Variants in OTOGL observed in about 807,000 individuals in gnomAD.
The protein encoded by OTOGL is otogelin-like protein.
Under a neutral mutation model 318.5 loss-of-function variants are expected in OTOGL, and 285 were observed. The observed-to-expected ratio is 0.89, with a 90% confidence interval of 0.81 to 0.99. The LOEUF (loss-of-function observed/expected upper bound fraction) is 0.99. OTOGL is among the 50% of genes least tolerant of loss of function. The pLI is 0.00. For missense variants in OTOGL, 2,899 were observed against 2,845.6 expected, an observed-to-expected ratio of 1.02 and a Z score of -0.43; for synonymous variants, 987 against 936.5, an observed-to-expected ratio of 1.05 and a Z score of -0.99.
Position 80,204,350 on chromosome 12 carries a change from A to G in OTOGL, c.-19-5063A>G, listed in dbSNP as rs74108561. Among the ~76,000 whole-genome samples, 1,438 of 152,286 alleles carry G rather than the reference A, an allele frequency of 9.4e-3. 17 individuals are homozygous for G. Among genetic ancestry groups the G allele is most frequent in the African/African-American group, 0.033 (1,374 of 41,562 alleles). On this transcript the variant is annotated intron_variant, in intron 1 of 58. Coordinates refer to ENST00000547103, the MANE Select transcript of OTOGL (RefSeq NM_001378609.3). Reference sequence around the variant, plus strand: ...ACTCCAGTGGCTCTTGTCATAAATCAGATTGCCAGGTGTCTGATTTGGAAC... The same window carrying G: ...ACTCCAGTGGCTCTTGTCATAAATCGGATTGCCAGGTGTCTGATTTGGAAC...
chr12:80,143,327 T>G, intron 1 of OTOGL, among the ~76,000 whole-genome samples: 1 of 152,162 alleles, frequency 6.6e-6, no homozygotes. Context: ...AATAAGGGAC[T>G]ATGGATCTGA....
rs534368779 is a variant in OTOGL, at chr12:80,318,491, T to C, written c.3635-55T>C. Reference sequence around the variant, plus strand: ...TAAAACATTTCTTTGAAATGACAGATTGAAATTTTAAAAATCTATGCCAAT... The same window carrying C: ...TAAAACATTTCTTTGAAATGACAGACTGAAATTTTAAAAATCTATGCCAAT... On this transcript the variant is annotated intron_variant, in intron 32 of 58. Coordinates refer to ENST00000547103, the MANE Select transcript of OTOGL (RefSeq NM_001378609.3). The C allele has an allele frequency of 2.6e-6, 3 of 1,146,736 alleles. No homozygotes were observed. The African/African-American group carries it at 4.8e-5, about 18-fold the overall frequency. The allele number at this position is 1,146,736 out of a possible 1,614,324, so 71.0% of individuals were successfully genotyped here.
Position 80,302,685 on chromosome 12 carries a change from G to T in OTOGL, c.3115G>T (p.Ala1039Ser). 7.0e-7 allele frequency: 1 copy of T among 1,436,026 alleles called. No individual in the cohort carries two copies. The highest frequency in any genetic ancestry group is 1.6e-5 in the South Asian group (1 of 62,774). 89.0% of individuals were successfully genotyped at this position (1,436,026 alleles called of 1,614,324 possible). A position where few individuals can be genotyped will look rare whatever the true frequency, so the allele number is the denominator to read the frequency against. Residue 1039 changes from alanine (A) to serine (S), a missense_variant, in exon 28 of 59, where the codon GCT becomes TCT. Transcript: ENST00000547103. ...ENKSTYQLWK[A>S]GYYIVVYFPE... ...CAAATCTACCTACCAGCTTTGGAAG[G>T]CTGGTTACTATATAGTAGTATACTT...
intron 30 of OTOGL, among the ~76,000 whole-genome samples, chr12:80,311,759 A>G (rs951707109): frequency 7.9e-5 from 12 of 152,328 alleles, no homozygotes; most frequent in Admixed American, 7.2e-4. Context: ...GAAACACCTG[A>G]TGGTGTCTGT....
In OTOGL at chr12:80,379,586, T is replaced by TAC. The variant is rs1891356485; in HGVS notation, c.*1539_*1540insCA. 1 of 151,190 alleles carries TAC rather than the reference T, an allele frequency of 6.6e-6. No homozygotes were observed. The highest frequency in any genetic ancestry group is 2.4e-5 in the African/African-American group (1 of 41,274). The allele number at this position is 151,190 out of a possible 1,614,324, so 9.4% of individuals were successfully genotyped here. The stretch of plus-strand genomic sequence containing the variant: ...TCTGATTCCTATTAACATATAGATA[T>TAC]ATAAAATTAAATGTTTTTGGTTAAA... On this transcript the variant is annotated 3_prime_UTR_variant, in exon 59 of 59. Transcript: ENST00000547103.
intron 1 of OTOGL, among the ~76,000 whole-genome samples, chr12:80,165,602 T>C (rs961127586): frequency 6.6e-6 from 1 of 152,210 alleles, no homozygotes; most frequent in East Asian, 1.9e-4. Context: ...TCCATTTGAG[T>C]TTAGTTGATT....
chr12:80,313,897 G>C (rs1443623911), intron 31 of OTOGL, among the ~76,000 whole-genome samples: 1 of 151,944 alleles, frequency 6.6e-6, no homozygotes, highest in Non-Finnish European at 1.5e-5. Context: ...ACCATCCTTA[G>C]AGAAATTGTT....
chr12:80,343,502 TATTCTTG>T (rs1468777112), intron 44 of OTOGL: 147 of 126,716 alleles, frequency 1.2e-3, no homozygotes, highest in East Asian at 8.5e-3. Context: ...TATTATTTTT[TATTCTTG>T]TTTTTTTTTT....
intron 24 of OTOGL, among the ~76,000 whole-genome samples, chr12:80,275,523 A>AT (rs1417605061): frequency 4.6e-5 from 7 of 151,818 alleles, no homozygotes; most frequent in African/African-American, 1.7e-4. Flanking sequence ...TGTCAGAATG[A>AT]TAATAAAAGA....
In OTOGL at chr12:80,271,775, C is replaced by T. The variant is rs778419303; in HGVS notation, c.2646C>T (p.Ser882=). 2.5e-6 allele frequency: 4 copies of T among 1,613,052 alleles called. No individual in the cohort carries two copies. Among genetic ancestry groups the T allele is most frequent in the Non-Finnish European group, 3.4e-6 (4 of 1,179,378 alleles). Residue 882 remains serine, a synonymous_variant, in exon 24 of 59, where the codon TCC becomes TCT. Coordinates refer to ENST00000547103, the MANE Select transcript of OTOGL (RefSeq NM_001378609.3). The part of the protein sequence containing the change: ...NLAMNFTCTP[S]SPCISGCVCA... ...CCATGAACTTCACCTGCACCCCATC[C>T]TCACCCTGTATAAGTGGCTGTGTTT...
intron 1 of OTOGL, among the ~76,000 whole-genome samples, chr12:80,146,305 A>G (rs1398623865): frequency 1.4e-5 from 2 of 146,974 alleles, no homozygotes; most frequent in Non-Finnish European, 2.9e-5. Flanking sequence ...TTCTGCATCT[A>G]TTGAGATAAT....
chr12:80,253,972 C>T (rs150986462), intron 14 of OTOGL, among the ~76,000 whole-genome samples: 91 of 152,202 alleles, frequency 6.0e-4, no homozygotes, highest in African/African-American at 2.0e-3. Context: ...AATTTGCTAA[C>T]TAACACTGTT....
In OTOGL at chr12:80,310,690, T is replaced by G. The variant is rs749470332; in HGVS notation, c.3413T>G (p.Ile1138Ser). The G allele has an allele frequency of 4.4e-6, 7 of 1,591,678 alleles. No homozygotes were observed. The highest frequency in any genetic ancestry group is 6.0e-6 in the Non-Finnish European group (7 of 1,172,674). Residue 1138 changes from isoleucine (I) to serine (S), a missense_variant, in exon 30 of 59, where the codon ATT (isoleucine) becomes AGT (serine). This residue lies in a region of OTOGL where 2,607 missense variants were observed against 2,524.9 expected (regional missense o/e 1.03). Coordinates refer to ENST00000547103, the MANE Select transcript of OTOGL (RefSeq NM_001378609.3). ...KFPYAKKECSILYSDIFASCR... is the reference protein window; with the variant it reads ...KFPYAKKECSSLYSDIFASCR... ...CCTTATGCCAAGAAAGAATGCTCCA[T>G]TTTGTACAGTGATATTTTTGCTTCT...
At chr12:80,265,403 T>A in intron 20 of OTOGL, 193 bp downstream of exon 20, 1 of 654,932 alleles carries the variant, frequency 1.5e-6, no homozygotes, top group South Asian at 2.1e-5. Context: ...ATAAGACCAA[T>A]AACTTTTGAC....
intron 1 of OTOGL, among the ~76,000 whole-genome samples, chr12:80,110,067 C>CTTTTTT (rs35589524): frequency 2.9e-5 from 3 of 103,758 alleles, no homozygotes; most frequent in East Asian, 2.6e-4. Flanking sequence ...TTCTTTCTTT[C>CTTTTTT]TTTTTTTTTT....
At chr12:80,200,645 A>T (rs1263093063) in intron 1 of OTOGL, among the ~76,000 whole-genome samples, 2 of 152,200 alleles carry the variant, frequency 1.3e-5, no homozygotes, top group Non-Finnish European at 2.9e-5. Flanking sequence ...CGTCTATTGG[A>T]TTGAGGACAT....
chr12:80,155,067 A>G (rs1405459818), intron 1 of OTOGL, among the ~76,000 whole-genome samples: 1 of 152,034 alleles, frequency 6.6e-6, no homozygotes, highest in Non-Finnish European at 1.5e-5. Flanking sequence ...CTTATTTTCC[A>G]TCTGTATATC....
At chr12:80,138,278 T>C (rs1388401185) in intron 1 of OTOGL, among the ~76,000 whole-genome samples, 3 of 152,110 alleles carry the variant, frequency 2.0e-5, no homozygotes, top group African/African-American at 7.2e-5. Context: ...AATTGGTTGA[T>C]ACGATAATTT....
At chr12:80,203,968 A>C (rs1355528486) in intron 1 of OTOGL, among the ~76,000 whole-genome samples, 2 of 152,198 alleles carry the variant, frequency 1.3e-5, no homozygotes, top group Non-Finnish European at 2.9e-5. Flanking sequence ...TAAAGCTGAT[A>C]AGTTTATCTT....
Sources: gnomAD v4.1 joint callset for allele counts (sites outside exome capture counted in the v4.1 genomes callset) on GRCh38, gnomAD v4.1.1 for gene constraint, gnomAD v4.1.1 regional missense constraint, MANE v1.5 for transcripts, NCBI Gene and HGNC (gene_info 2026-07-23, HGNC 2026-07-21) for gene names.